Variants in NTM observed in about 807,000 individuals in gnomAD.
NTM encodes the protein IgLON family member 2.
In NTM, 13 loss-of-function variants were observed where a neutral mutation model predicts 42.1. That is an observed-to-expected ratio of 0.31 (90% CI 0.20 to 0.49). The LOEUF (loss-of-function observed/expected upper bound fraction) is 0.49. Among genes scored for constraint, NTM ranks in the 20% least tolerant of loss-of-function variants. The probability of loss-of-function intolerance (pLI) is 0.99; values close to 1 mark genes in which losing one functional copy is unlikely to be tolerated. For missense variants in NTM, 373 were observed against 452.8 expected (o/e 0.82, Z 1.60); for synonymous variants, 187 against 179.2 (o/e 1.04, Z -0.35).
chr11:131,765,963 A>G (rs964683), intron 1 of NTM, among the ~76,000 whole-genome samples: 69,884 of 152,022 alleles, frequency 0.46, 16,240 homozygotes, highest in East Asian at 0.62. Context: ...AATAACATAA[A>G]CTATTGACTA....
chr11:131,908,340 GTAGAGT>G (rs2054166204), intron 1 of NTM, among the ~76,000 whole-genome samples: 1 of 152,228 alleles, frequency 6.6e-6, no homozygotes, highest in South Asian at 2.1e-4. Flanking sequence ...GTATTTTCCT[GTAGAGT>G]TAATCATATA....
At position 132,013,321 on chromosome 11, in the gene NTM, AAAG is replaced by A. The variant is rs1194969881; in HGVS notation, c.167+101677_167+101679del. Among the ~76,000 whole-genome samples the A allele has an allele frequency of 4.6e-5, 7 of 152,258 alleles. No homozygotes were observed. The South Asian group carries it at 6.2e-4, about 14-fold the overall frequency. ...AGGGGACCTATTAAATAAGAACTGAAAAGAAGCCGTTAAATGTTGTGCTTAGAG... is the reference window on the plus strand; with the variant it reads ...AGGGGACCTATTAAATAAGAACTGAAAAGCCGTTAAATGTTGTGCTTAGAG... On this transcript the variant is annotated intron_variant, in intron 2 of 8. Transcript: ENST00000683400.
chr11:131,740,049 G>A lies in NTM; in HGVS notation c.83-171515G>A, dbSNP rs577797665. Among the ~76,000 whole-genome samples, 14 of 152,238 alleles carry A rather than the reference G, an allele frequency of 9.2e-5. No individual in the cohort carries two copies. The East Asian group carries it at 1.9e-3, about 21-fold the overall frequency. ...AAGCTTCGCTCTGACACTTTACTGC[G>A]CAGATTGCTGAGTAAGTTACTTTGG... On this transcript the variant is annotated intron_variant, in intron 1 of 8. Transcript: ENST00000683400.
chr11:131,636,707 C>T (rs1005253944), intron 1 of NTM, among the ~76,000 whole-genome samples: 9 of 152,290 alleles, frequency 5.9e-5, no homozygotes, highest in Admixed American at 2.6e-4. Context: ...GGACTCCTCC[C>T]GACTCTTCCT....
At chr11:132,201,033 G>A (rs2081080527) in intron 3 of NTM, among the ~76,000 whole-genome samples, 2 of 152,152 alleles carry the variant, frequency 1.3e-5, no homozygotes, top group African/African-American at 2.4e-5. Flanking sequence ...CTGAACAGAA[G>A]CAAGGGCATC....
At chr11:132,065,723 A>T (rs1220727879) in intron 2 of NTM, among the ~76,000 whole-genome samples, 1 of 152,140 alleles carries the variant, frequency 6.6e-6, no homozygotes, top group Non-Finnish European at 1.5e-5. Flanking sequence ...CTACTTGCTT[A>T]CTTTCTGTTA....
intron 1 of NTM, among the ~76,000 whole-genome samples, chr11:131,810,603 G>A (rs1235401835): frequency 6.6e-6 from 1 of 152,212 alleles, no homozygotes; most frequent in African/African-American, 2.4e-5. Context: ...TTACTACTCT[G>A]CGTTTTGCTG....
At chr11:131,866,181 A>T (rs1039173962) in intron 1 of NTM, among the ~76,000 whole-genome samples, 4 of 151,992 alleles carry the variant, frequency 2.6e-5, no homozygotes, top group African/African-American at 9.7e-5. Context: ...CACACACCAC[A>T]TGCTGTTCAC....
At chr11:131,533,519 A>G (rs1051207675) in intron 1 of NTM, among the ~76,000 whole-genome samples, 12 of 152,186 alleles carry the variant, frequency 7.9e-5, no homozygotes, top group Non-Finnish European at 2.9e-5. Context: ...CAATCAGGAA[A>G]AGCAAAGTAG....
intron 1 of NTM, among the ~76,000 whole-genome samples, chr11:131,664,962 C>T (rs1260320450): frequency 6.6e-6 from 1 of 152,106 alleles, no homozygotes; most frequent in Non-Finnish European, 1.5e-5. Context: ...CCCATATCCT[C>T]CGCGCTTCTG....
chr11:132,325,235 CCT>C (rs1310714522), intron 7 of NTM, among the ~76,000 whole-genome samples: 5 of 150,894 alleles, frequency 3.3e-5, no homozygotes, highest in Non-Finnish European at 7.4e-5. Context: ...GAACAGGCAA[CCT>C]ACAAAATGGG....
intron 1 of NTM, among the ~76,000 whole-genome samples, chr11:131,869,639 A>G (rs1034591905): frequency 2.1e-4 from 32 of 152,338 alleles, no homozygotes; most frequent in African/African-American, 7.5e-4. Context: ...TAGGAGGATG[A>G]TAGACTTTTA....
intron 1 of NTM, among the ~76,000 whole-genome samples, chr11:131,654,664 A>G (rs2066949914): frequency 6.6e-6 from 1 of 151,990 alleles, no homozygotes; most frequent in South Asian, 2.1e-4. Flanking sequence ...GGCAGTAATG[A>G]GTGAGTTCTG....
chr11:131,862,130 G>T (rs936442588), intron 1 of NTM, among the ~76,000 whole-genome samples: 1 of 152,198 alleles, frequency 6.6e-6, no homozygotes, highest in Non-Finnish European at 1.5e-5. Context: ...CCAGGTCTCA[G>T]TTGATCTGGG....
chr11:131,874,526 A>G (rs1303433227), intron 1 of NTM, among the ~76,000 whole-genome samples: 1 of 152,210 alleles, frequency 6.6e-6, no homozygotes, highest in African/African-American at 2.4e-5. Context: ...TAAGTTTCTT[A>G]ATTGTAACAT....
chr11:131,470,849 C>A (rs1952367708), intron 1 of NTM, among the ~76,000 whole-genome samples: 2 of 152,178 alleles, frequency 1.3e-5, no homozygotes, highest in Non-Finnish European at 1.5e-5. Context: ...TTTGTCAAGC[C>A]AGAGGCAGAG....
At chr11:131,420,719 T>C (rs1465213532) in intron 1 of NTM, among the ~76,000 whole-genome samples, 1 of 152,190 alleles carries the variant, frequency 6.6e-6, no homozygotes, top group Non-Finnish European at 1.5e-5. Flanking sequence ...CTTGGGCATC[T>C]GGAAGTGGGT....
At chr11:131,792,940 C>G (rs1227665984) in intron 1 of NTM, among the ~76,000 whole-genome samples, 1 of 152,198 alleles carries the variant, frequency 6.6e-6, no homozygotes, top group African/African-American at 2.4e-5. Flanking sequence ...CCGGTTATCT[C>G]TACTGTAAAA....
chr11:131,549,482 T>TG (rs2054366395), intron 1 of NTM, among the ~76,000 whole-genome samples: 1 of 152,104 alleles, frequency 6.6e-6, no homozygotes. Context: ...CTACAAGATG[T>TG]GGGGCACTAA....
Sources: allele counts gnomAD v4.1 joint callset (sites outside exome capture counted in the v4.1 genomes callset), GRCh38; gene constraint gnomAD v4.1.1; transcripts MANE v1.5; gene names NCBI Gene and HGNC (gene_info 2026-07-23, HGNC 2026-07-21).